The following SHC4 variants were observed in gnomAD, a reference collection of about 807,000 sequenced individuals.
SHC4 encodes the protein SHC-transforming protein 4.
In SHC4, 41 loss-of-function variants were observed where a neutral mutation model predicts 69.4. The observed-to-expected ratio is 0.59, with a 90% CI of 0.46 to 0.77. SHC4 has a LOEUF of 0.77. Ranked by LOEUF, SHC4 falls within the 30% of genes least tolerant of loss-of-function variation. The pLI, the probability that SHC4 is intolerant of heterozygous loss-of-function variation, is 0.00. For missense variants in SHC4, 777 were observed against 783.8 expected, an observed-to-expected ratio of 0.99 and a Z score of 0.10; for synonymous variants, 318 against 299.3, an observed-to-expected ratio of 1.06 and a Z score of -0.64.
At chr15:48,884,153 G>A in intron 4 of SHC4, 95 bp downstream of exon 4, 1 of 1,353,078 alleles carries the variant, frequency 7.4e-7, no homozygotes, top group Non-Finnish European at 9.7e-7. Context: ...TTAGGTTGTA[G>A]GCATACTCTG....
chr15:48,861,661 T>C (rs1269594870), intron 6 of SHC4, among the ~76,000 whole-genome samples: 2 of 152,200 alleles, frequency 1.3e-5, no homozygotes, highest in Non-Finnish European at 2.9e-5. Flanking sequence ...ATATGGTAAC[T>C]TTGTTACCAA....
chr15:48,861,065 G>A (rs565816709), intron 6 of SHC4, among the ~76,000 whole-genome samples: 1 of 152,310 alleles, frequency 6.6e-6, no homozygotes, highest in African/African-American at 2.4e-5. Flanking sequence ...TTTGGGTCCT[G>A]TTCATAGGCT....
At chr15:48,877,652 G>A (rs962347015) in intron 4 of SHC4, 17 of 576,292 alleles carry the variant, frequency 2.9e-5, no homozygotes, top group South Asian at 7.8e-5. Context: ...AAAAAAAAAA[G>A]TACAATATAT....
intron 11 of SHC4, among the ~76,000 whole-genome samples, chr15:48,831,035 A>C (rs1052182482): frequency 6.6e-6 from 1 of 151,556 alleles, no homozygotes. Flanking sequence ...TTTTAACAAT[A>C]ACAAAAAAGT....
chr15:48,894,150 T>C (rs886564018), intron 2 of SHC4, among the ~76,000 whole-genome samples: 2 of 152,150 alleles, frequency 1.3e-5, no homozygotes, highest in African/African-American at 4.8e-5. Context: ...TCTATATAAA[T>C]TAGTGTGAAA....
chr15:48,910,812 C>T (rs1214432967), intron 2 of SHC4, among the ~76,000 whole-genome samples: 2 of 152,074 alleles, frequency 1.3e-5, no homozygotes, highest in Admixed American at 6.5e-5. Context: ...ATCTTGATTT[C>T]GTTTTTGACC....
intron 4 of SHC4, among the ~76,000 whole-genome samples, chr15:48,873,053 A>G (rs928961825): frequency 6.6e-6 from 1 of 152,212 alleles, no homozygotes; most frequent in Admixed American, 6.5e-5. Context: ...AATATTCTCA[A>G]AGAAGACAAT....
At chr15:48,908,038 G>T (rs971004325) in intron 2 of SHC4, among the ~76,000 whole-genome samples, 1 of 152,040 alleles carries the variant, frequency 6.6e-6, no homozygotes, top group African/African-American at 2.4e-5. Flanking sequence ...AGAGGTAAGT[G>T]GCCATTCTAA....
rs1241397519 is a variant in SHC4, at chr15:48,851,230, T to A, written c.1261A>T (p.Ser421Cys). 1.7e-5 allele frequency: 28 copies of A among 1,614,028 alleles called. No homozygotes were observed. The highest frequency in any genetic ancestry group is 2.2e-5 in the Non-Finnish European group (26 of 1,180,000). Residue 421 changes from serine (S) to cysteine (C), a missense_variant, in exon 9 of 12, where the codon AGC (serine) becomes TGC (cysteine). Ser to Cys is a moderately radical substitution (Grantham distance 112). Coordinates refer to ENST00000332408, the MANE Select transcript of SHC4 (RefSeq NM_203349.4). ...LCYLPGNSKC[S>C]SVYENCLEQS... ...TCTAAACAGTTCTCATATACACTGC[T>A]GCACTTGGAGTTTCCAGGCTGCATG...
chr15:48,876,609 G>C, intron 4 of SHC4: 1 of 697,588 alleles, frequency 1.4e-6, no homozygotes, highest in Non-Finnish European at 2.6e-6. Context: ...GCCAGTCCGA[G>C]TTCTGAAACT....
At chr15:48,876,548 A>G (rs1030912806) in intron 4 of SHC4, 7 of 667,716 alleles carry the variant, frequency 1.0e-5, no homozygotes, top group African/African-American at 7.2e-5. Flanking sequence ...ATTAACTCAC[A>G]TGATCACAAG....
intron 4 of SHC4, chr15:48,878,001 G>A (rs1899848972): frequency 5.8e-6 from 4 of 690,922 alleles, no homozygotes; most frequent in South Asian, 5.8e-5. Flanking sequence ...ACACCCCGGA[G>A]AAAACACTGA....
Position 48,857,759 on chromosome 15 carries a change from C to T in SHC4, c.1003G>A (p.Gly335Arg), listed in dbSNP as rs911353318. The T allele has an allele frequency of 6.2e-7, 1 of 1,606,288 alleles. No individual in the cohort carries two copies. The part of the protein sequence containing the change: ...GMAQDVISTI[G>R]QAFELRFKQY... ...TTAAACCGGAGTTCAAAAGCCTGCC[C>T]TATGGTACTTATGACGTCTTGGGCC... Residue 335 changes from glycine to arginine, a missense_variant, in exon 7 of 12, where the codon GGG becomes AGG. By Grantham distance (125) the Gly-to-Arg change is moderately radical (BLOSUM62 -2). Coordinates refer to ENST00000332408, the MANE Select transcript of SHC4 (RefSeq NM_203349.4).
intron 1 of SHC4, among the ~76,000 whole-genome samples, chr15:48,955,215 A>T (rs1179752446): frequency 6.6e-6 from 1 of 152,174 alleles, no homozygotes; most frequent in African/African-American, 2.4e-5. Flanking sequence ...TCTGAAGGGG[A>T]AAATGAAAGA....
At chr15:48,952,758 C>G (rs911470106) in intron 1 of SHC4, among the ~76,000 whole-genome samples, 5 of 152,068 alleles carry the variant, frequency 3.3e-5, no homozygotes, top group African/African-American at 4.8e-5. Flanking sequence ...ATTAAAATGT[C>G]AAAAAATAAC....
intron 2 of SHC4, among the ~76,000 whole-genome samples, chr15:48,921,393 G>A (rs1344698713): frequency 6.6e-6 from 1 of 150,756 alleles, no homozygotes; most frequent in African/African-American, 2.4e-5. Context: ...GGAGTGCAAT[G>A]GTGCAATCTC....
intron 4 of SHC4, among the ~76,000 whole-genome samples, chr15:48,881,582 A>G (rs757208979): frequency 1.4e-4 from 22 of 152,130 alleles, no homozygotes; most frequent in Non-Finnish European, 2.9e-4. Flanking sequence ...TGTAGAGACT[A>G]AAGGATGTCT....
chr15:48,896,726 C>T (rs2141009339), intron 2 of SHC4, among the ~76,000 whole-genome samples: 1 of 152,300 alleles, frequency 6.6e-6, no homozygotes, highest in East Asian at 1.9e-4. Context: ...TTAAGAAATA[C>T]TGCTTTAAAT....
chr15:48,867,016 G>A (rs770984601), intron 6 of SHC4, among the ~76,000 whole-genome samples: 15 of 152,120 alleles, frequency 9.9e-5, no homozygotes, highest in South Asian at 2.1e-4. Flanking sequence ...TTTGAGTATC[G>A]CCTATATGCT....
Sources: allele counts gnomAD v4.1 joint callset (sites outside exome capture counted in the v4.1 genomes callset), GRCh38; gene constraint gnomAD v4.1.1; transcripts MANE v1.5; gene names NCBI Gene and HGNC (gene_info 2026-07-23, HGNC 2026-07-21).